The following PGLYRP4 variants were observed in gnomAD, a reference collection of about 807,000 sequenced individuals.
PGLYRP4 encodes the protein peptidoglycan recognition protein 4.
In PGLYRP4, 39 loss-of-function variants were observed where a neutral mutation model predicts 41.2. The observed-to-expected ratio is 0.95, with a 90% CI of 0.73 to 1.24. The LOEUF (loss-of-function observed/expected upper bound fraction) is 1.24. Among genes scored for constraint, PGLYRP4 ranks in the 50% most tolerant of loss-of-function variants. PGLYRP4 has a pLI of 0.00. For synonymous variants in PGLYRP4, 202 were observed against 186.8 expected (o/e 1.08, Z -0.66); for missense variants, 467 against 460.7 (o/e 1.01, Z -0.13).
chr1:153,346,340 G>T (rs55764962), intron 2 of PGLYRP4, 149 bp from the exon 3 acceptor site: 37,285 of 658,010 alleles, frequency 0.057, 1,427 homozygotes, highest in African/African-American at 0.13. Context: ...TCTCTGGGCT[G>T]ACCAGAGGGC....
At chr1:153,344,871 T>C (rs1403341949) in intron 4 of PGLYRP4, among the ~76,000 whole-genome samples, 1 of 152,032 alleles carries the variant, frequency 6.6e-6, no homozygotes, top group East Asian at 1.9e-4. Flanking sequence ...AAAGCCCTCA[T>C]GTATGAGGAA....
chr1:153,341,421 C>T (rs1388283992), intron 6 of PGLYRP4, among the ~76,000 whole-genome samples: 1 of 152,204 alleles, frequency 6.6e-6, no homozygotes, highest in African/African-American at 2.4e-5. Context: ...ATGGCTCTTT[C>T]ATATGAGGAA....
At chr1:153,336,369 C>CAAAAAAA (rs58665160) in intron 8 of PGLYRP4, among the ~76,000 whole-genome samples, 16 of 76,488 alleles carry the variant, frequency 2.1e-4, no homozygotes, top group South Asian at 6.3e-4. Flanking sequence ...GACTCCATCT[C>CAAAAAAA]AAAAAAAAAA....
intron 5 of PGLYRP4, 94 bp downstream of exon 5, chr1:153,342,996 C>T (rs201280430): frequency 1.7e-6 from 1 of 571,808 alleles, no homozygotes; most frequent in Non-Finnish European, 3.1e-6. Flanking sequence ...AAGGATAAGA[C>T]AGCAGAGTAG....
At chr1:153,343,992 AAGC>A (rs1261953596) in intron 4 of PGLYRP4, among the ~76,000 whole-genome samples, 2 of 152,162 alleles carry the variant, frequency 1.3e-5, no homozygotes, top group Non-Finnish European at 2.9e-5. Flanking sequence ...AGGAAGCTAA[AAGC>A]AGACTGGGGG....
intron 5 of PGLYRP4, among the ~76,000 whole-genome samples, chr1:153,342,163 A>T (rs944461268): frequency 6.6e-6 from 1 of 152,204 alleles, no homozygotes; most frequent in African/African-American, 2.4e-5. Context: ...CCTCTGAGAG[A>T]TGCTATTATT....
rs1661077494 is a variant in PGLYRP4 at position 153,347,757 on chromosome 1, G to A, written c.49+127C>T. ...CACTCAGGCTGGAGTGCAGTGGTGGGATCTCGGCTCACTGCAGCCTTGAAC... is the reference window on the plus strand; with the variant it reads ...CACTCAGGCTGGAGTGCAGTGGTGGAATCTCGGCTCACTGCAGCCTTGAAC... On this transcript the variant is annotated intron_variant, in intron 2 of 8. Transcript: ENST00000359650. The A allele has an allele frequency of 1.1e-4, 75 of 710,786 alleles. 1 individual carries two copies. In the South Asian group the frequency reaches 1.1e-3, roughly 10 times the overall value. 44.0% of individuals were successfully genotyped at this position (710,786 alleles called of 1,614,324 possible).
chr1:153,341,693 C>T lies in PGLYRP4; in HGVS notation c.559G>A (p.Val187Ile). 1 of 1,613,938 alleles carries T rather than the reference C, an allele frequency of 6.2e-7. No homozygotes were observed. The highest frequency in any genetic ancestry group is 1.1e-5 in the South Asian group (1 of 91,080). ...TCGCCTTTCCCAAGAAGTGGCTGAA[C>T]ATAACTGGATGACAGGTGGCCCTTC... is the stretch of plus-strand genomic sequence containing the variant. ...VQKGHLSSSY[V>I]QPLLGKGENC... is the part of the protein sequence containing the mutation. Residue 187 changes from valine to isoleucine, a missense_variant, in exon 6 of 9, where the codon GTT (valine) becomes ATT (isoleucine). Transcript: ENST00000359650.
intron 8 of PGLYRP4, among the ~76,000 whole-genome samples, chr1:153,334,660 A>G (rs1660475340): frequency 6.6e-6 from 1 of 151,866 alleles, no homozygotes; most frequent in South Asian, 2.1e-4. Context: ...CGCAGTTCCT[A>G]TCAAATTACA....
chr1:153,348,091 G>A (rs1288724531), intron 1 of PGLYRP4, 113 bp from the exon 2 acceptor site: 15 of 630,306 alleles, frequency 2.4e-5, no homozygotes, highest in Non-Finnish European at 4.0e-5. Context: ...GGCCTCCTGA[G>A]GGCCAGCACC....
At chr1:153,335,127 T>C (rs912835388) in intron 8 of PGLYRP4, among the ~76,000 whole-genome samples, 1 of 152,112 alleles carries the variant, frequency 6.6e-6, no homozygotes, top group Non-Finnish European at 1.5e-5. Flanking sequence ...CTTCTGGACA[T>C]GGGCCTAGGC....
intron 7 of PGLYRP4, among the ~76,000 whole-genome samples, chr1:153,337,945 C>T (rs1237078894): frequency 6.6e-6 from 1 of 152,178 alleles, no homozygotes; most frequent in Non-Finnish European, 1.5e-5. Flanking sequence ...GCTGCTCTCC[C>T]TCCACACCTC....
At chr1:153,345,868 CT>C (rs147844965) in intron 3 of PGLYRP4, among the ~76,000 whole-genome samples, 5 of 152,320 alleles carry the variant, frequency 3.3e-5, no homozygotes, top group African/African-American at 1.2e-4. Flanking sequence ...CAGGGAGTCC[CT>C]GTCTGCAGAG....
chr1:153,334,681 T>A (rs1173330350), intron 8 of PGLYRP4, among the ~76,000 whole-genome samples: 1 of 151,966 alleles, frequency 6.6e-6, no homozygotes, highest in East Asian at 1.9e-4. Flanking sequence ...AACATCATTT[T>A]TCACAGAATT....
At position 153,341,783 on chromosome 1, in the gene PGLYRP4, G is replaced by A. The variant is rs200128217; in HGVS notation, c.473-4C>T. Reference sequence around the variant, plus strand: ...GCAGCAGGGCTGGGACTGTGGCCTAGAAGAGAGAAATCTGTGGGAAACCTC... The same window carrying A: ...GCAGCAGGGCTGGGACTGTGGCCTAAAAGAGAGAAATCTGTGGGAAACCTC... On this transcript the variant is annotated splice_polypyrimidine_tract_variant and splice_region_variant and intron_variant, in intron 5 of 8. Transcript: ENST00000359650. 1.5e-5 allele frequency: 24 copies of A among 1,606,438 alleles called. No individual in the cohort carries two copies. Among genetic ancestry groups the A allele is most frequent in the East Asian group, 2.2e-5 (1 of 44,794 alleles).
intron 2 of PGLYRP4, among the ~76,000 whole-genome samples, chr1:153,346,462 A>G (rs1360049135): frequency 7.2e-6 from 1 of 138,106 alleles, no homozygotes; most frequent in Admixed American, 7.5e-5. Context: ...CTGTATCTAC[A>G]CACACAATTG....
intron 8 of PGLYRP4, among the ~76,000 whole-genome samples, chr1:153,335,123 G>A (rs1660498620): frequency 6.6e-6 from 1 of 152,096 alleles, no homozygotes; most frequent in South Asian, 2.1e-4. Context: ...AACTCTTCTG[G>A]ACATGGGCCT....
intron 4 of PGLYRP4, 117 bp downstream of exon 4, chr1:153,345,052 A>T (rs1660944825): frequency 4.0e-6 from 3 of 746,268 alleles, no homozygotes; most frequent in African/African-American, 1.8e-5. Context: ...TTTATTCATT[A>T]TAAAACATAT....
At chr1:153,346,569 G>A (rs977899834) in intron 2 of PGLYRP4, among the ~76,000 whole-genome samples, 1 of 152,142 alleles carries the variant, frequency 6.6e-6, no homozygotes, top group African/African-American at 2.4e-5. Context: ...GGAAGCGTGT[G>A]TGAAGAAGGG....
Sources: gnomAD v4.1 joint callset for allele counts (sites outside exome capture counted in the v4.1 genomes callset) on GRCh38, gnomAD v4.1.1 for gene constraint, MANE v1.5 for transcripts, NCBI Gene and HGNC (gene_info 2026-07-23, HGNC 2026-07-21) for gene names.